Variants in MYO1D observed in about 807,000 individuals in gnomAD.
MYO1D encodes the protein unconventional myosin-Id.
Under a neutral mutation model 122.0 loss-of-function variants are expected in MYO1D, and 83 were observed. The ratio of observed to expected loss-of-function variants is 0.68; its 90% confidence interval spans 0.57 to 0.82. The LOEUF is 0.82. Ranked by LOEUF, MYO1D falls within the 40% of genes least tolerant of loss-of-function variation. The pLI is 0.00. For missense variants in MYO1D, 1,157 were observed against 1,269.5 expected (o/e 0.91, Z 1.35); for synonymous variants, 464 against 446.9 (o/e 1.04, Z -0.48).
At chr17:32,862,409 C>T (rs1248830880) in intron 1 of MYO1D, among the ~76,000 whole-genome samples, 1 of 152,110 alleles carries the variant, frequency 6.6e-6, no homozygotes, top group Non-Finnish European at 1.5e-5. Flanking sequence ...TTCAAAGGCA[C>T]CTTAATGGCA....
intron 20 of MYO1D, among the ~76,000 whole-genome samples, chr17:32,623,440 G>A (rs528773928): frequency 1.9e-4 from 29 of 152,244 alleles, no homozygotes; most frequent in African/African-American, 7.0e-4. Flanking sequence ...TGGTAGTGGT[G>A]GGGATGGGGG....
rs766289824 is a variant in MYO1D, at chr17:32,712,020, T to A, written c.2089A>T (p.Met697Leu). 4 of 1,613,996 alleles carry A rather than the reference T, an allele frequency of 2.5e-6. No homozygotes were observed. In the African/African-American group the frequency reaches 5.3e-5, roughly 22 times the overall value. The change falls in exon 16 of 22, where the codon ATG becomes TTG. Residue 697 changes from methionine (M) to leucine (L), a missense_variant. Met to Leu is a conservative substitution (Grantham distance 15). Coordinates refer to ENST00000318217, the MANE Select transcript of MYO1D (RefSeq NM_015194.3). ...LFTLEELRAQ[M>L]LIRIVLFLQK... ...AGAAAGAGGACAATCCTTATGAGCA[T>A]CTGGGCACGGAGTTCTTCCAAGGTA... is the stretch of plus-strand genomic sequence containing the variant.
intron 20 of MYO1D, among the ~76,000 whole-genome samples, chr17:32,613,034 C>T (rs1283732712): frequency 6.6e-6 from 1 of 152,046 alleles, no homozygotes; most frequent in Non-Finnish European, 1.5e-5. Context: ...TCCCAAAGTG[C>T]TGGGATTACA....
intron 1 of MYO1D, among the ~76,000 whole-genome samples, chr17:32,787,771 C>T (rs761738237): frequency 5.9e-5 from 9 of 152,060 alleles, no homozygotes; most frequent in East Asian, 1.9e-4. Context: ...CTCAAGTTCC[C>T]GAAGTCCATT....
chr17:32,801,292 T>G (rs2090458533), intron 1 of MYO1D, among the ~76,000 whole-genome samples: 1 of 152,216 alleles, frequency 6.6e-6, no homozygotes, highest in African/African-American at 2.4e-5. Context: ...GGAAATACTT[T>G]GTCTCAAGAT....
chr17:32,588,833 C>T (rs1191667811), intron 21 of MYO1D, among the ~76,000 whole-genome samples: 1 of 152,106 alleles, frequency 6.6e-6, no homozygotes, highest in Non-Finnish European at 1.5e-5. Context: ...GTCCCAGCTA[C>T]TTGGGAGGCT....
At chr17:32,865,466 A>G (rs1053825378) in intron 1 of MYO1D, among the ~76,000 whole-genome samples, 14 of 152,232 alleles carry the variant, frequency 9.2e-5, no homozygotes, top group Non-Finnish European at 1.8e-4. Flanking sequence ...ACTTAACAAT[A>G]TAACTGTGAG....
At chr17:32,579,859 A>T (rs1466770086) in intron 21 of MYO1D, among the ~76,000 whole-genome samples, 1 of 152,242 alleles carries the variant, frequency 6.6e-6, no homozygotes, top group East Asian at 1.9e-4. Flanking sequence ...CACTGTATGG[A>T]TATAACAGTT....
At chr17:32,755,018 C>T (rs1416902114) in intron 11 of MYO1D, among the ~76,000 whole-genome samples, 4 of 152,188 alleles carry the variant, frequency 2.6e-5, no homozygotes, top group Admixed American at 1.3e-4. Context: ...AGAATTACAA[C>T]TAGAATCTCT....
At chr17:32,790,049 A>G (rs891305787) in intron 1 of MYO1D, among the ~76,000 whole-genome samples, 2 of 152,208 alleles carry the variant, frequency 1.3e-5, no homozygotes, top group African/African-American at 2.4e-5. Context: ...CAAATCAACA[A>G]TAAGATATGC....
At chr17:32,572,285 C>T (rs1281329966) in intron 21 of MYO1D, among the ~76,000 whole-genome samples, 2 of 152,094 alleles carry the variant, frequency 1.3e-5, no homozygotes, top group African/African-American at 4.8e-5. Context: ...GAGGCTGCTT[C>T]CTTTGTGACA....
At chr17:32,821,501 A>T (rs749047718) in intron 1 of MYO1D, among the ~76,000 whole-genome samples, 5 of 151,802 alleles carry the variant, frequency 3.3e-5, no homozygotes, top group Non-Finnish European at 5.9e-5. Context: ...GTGCCCTACA[A>T]CTGCCAACCT....
chr17:32,706,731 C>G (rs1186280978), intron 16 of MYO1D, among the ~76,000 whole-genome samples: 2 of 152,050 alleles, frequency 1.3e-5, no homozygotes, highest in Admixed American at 6.6e-5. Flanking sequence ...GAGTCTCACT[C>G]TGTTGCCCAG....
chr17:32,740,198 G>A (rs2089756853), intron 13 of MYO1D, among the ~76,000 whole-genome samples: 1 of 152,192 alleles, frequency 6.6e-6, no homozygotes, highest in Non-Finnish European at 1.5e-5. Flanking sequence ...TTTTCAGAAA[G>A]TAGAAAATTG....
chr17:32,677,321 C>T (rs1231188443), intron 16 of MYO1D, among the ~76,000 whole-genome samples: 6 of 152,034 alleles, frequency 3.9e-5, no homozygotes, highest in African/African-American at 1.4e-4. Flanking sequence ...GCAGCAGATT[C>T]TGCCTATTCC....
intron 21 of MYO1D, among the ~76,000 whole-genome samples, chr17:32,592,870 A>G (rs1000567813): frequency 3.7e-4 from 57 of 152,306 alleles, no homozygotes; most frequent in African/African-American, 1.3e-3. Flanking sequence ...CCCCAACAAA[A>G]CAAAACAATG....
intron 20 of MYO1D, among the ~76,000 whole-genome samples, chr17:32,631,701 T>C: frequency 6.6e-6 from 1 of 152,016 alleles, no homozygotes; most frequent in East Asian, 1.9e-4. Flanking sequence ...ATGTACTGAA[T>C]ATTAGATGAT....
At chr17:32,563,539 T>C (rs950491064) in intron 21 of MYO1D, among the ~76,000 whole-genome samples, 1 of 152,302 alleles carries the variant, frequency 6.6e-6, no homozygotes, top group Non-Finnish European at 1.5e-5. Flanking sequence ...GATTTCTAAA[T>C]ATATAAATGC....
At chr17:32,781,734 CAA>C (rs35583086) in intron 1 of MYO1D, among the ~76,000 whole-genome samples, 12 of 108,352 alleles carry the variant, frequency 1.1e-4, no homozygotes, top group African/African-American at 1.7e-4. Flanking sequence ...GGCCACAGGA[CAA>C]AAAAAAAAAA....
Sources: allele counts gnomAD v4.1 joint callset (sites outside exome capture counted in the v4.1 genomes callset), GRCh38; gene constraint gnomAD v4.1.1; transcripts MANE v1.5; gene names NCBI Gene and HGNC (gene_info 2026-07-23, HGNC 2026-07-21).